The following NBEA variants were observed in gnomAD, a reference collection of about 807,000 sequenced individuals.
The protein encoded by NBEA is lysosomal-trafficking regulator 2.
A neutral mutation model predicts 343.4 loss-of-function variants in NBEA; 44 were observed. That is an observed-to-expected ratio of 0.13 (90% CI 0.10 to 0.16). The LOEUF (loss-of-function observed/expected upper bound fraction) is 0.16, where lower values mean the gene tolerates loss of function less well. Ranked by LOEUF, NBEA falls within the 10% of genes least tolerant of loss-of-function variation. The probability of loss-of-function intolerance (pLI) is 1.00; values close to 1 mark genes in which losing one functional copy is unlikely to be tolerated. For missense variants in NBEA, 2,555 were observed against 3,631.3 expected, an observed-to-expected ratio of 0.70 and a Z score of 7.62; for synonymous variants, 1,175 against 1,238.7, an observed-to-expected ratio of 0.95 and a Z score of 1.08.
intron 10 of NBEA, among the ~76,000 whole-genome samples, chr13:35,092,135 G>A (rs1024907273): frequency 2.0e-5 from 3 of 151,822 alleles, no homozygotes; most frequent in African/African-American, 7.3e-5. Flanking sequence ...ATTAATTTTT[G>A]GCAAAGGTGC....
chr13:35,081,079 A>G (rs2064368187), intron 10 of NBEA, among the ~76,000 whole-genome samples: 1 of 152,180 alleles, frequency 6.6e-6, no homozygotes, highest in Non-Finnish European at 1.5e-5. Flanking sequence ...TGAAATATGT[A>G]TACATAAATG....
chr13:35,272,483 A>G (rs2034242437), intron 34 of NBEA, among the ~76,000 whole-genome samples: 1 of 152,210 alleles, frequency 6.6e-6, no homozygotes, highest in Non-Finnish European at 1.5e-5. Context: ...TCATAATGAC[A>G]GGATCAAATT....
At chr13:35,640,377 C>A (rs1486080809) in intron 49 of NBEA, among the ~76,000 whole-genome samples, 2 of 152,164 alleles carry the variant, frequency 1.3e-5, no homozygotes, top group African/African-American at 4.8e-5. Flanking sequence ...TTAGAGGACA[C>A]CTTCTCTAAA....
At chr13:35,599,703 A>G (rs573233970) in intron 47 of NBEA, among the ~76,000 whole-genome samples, 5 of 152,214 alleles carry the variant, frequency 3.3e-5, no homozygotes, top group Non-Finnish European at 7.3e-5. Context: ...ACAAGGGGGA[A>G]ATAGACTCCA....
intron 1 of NBEA, among the ~76,000 whole-genome samples, chr13:35,022,133 A>G (rs547000747): frequency 1.3e-5 from 2 of 152,234 alleles, no homozygotes; most frequent in South Asian, 2.1e-4. Context: ...GGCCATTAAC[A>G]CTTCATTTTT....
intron 1 of NBEA, among the ~76,000 whole-genome samples, chr13:35,017,961 G>A (rs1593478549): frequency 6.6e-6 from 1 of 152,086 alleles, no homozygotes; most frequent in East Asian, 1.9e-4. Flanking sequence ...GGTTGTTTCT[G>A]TTGTTGTAAA....
At position 35,628,101 on chromosome 13, in the gene NBEA, T is replaced by C. The variant is rs913484890; in HGVS notation, c.7470T>C (p.Val2490=). ...TTCAGGCCCTAGAAAGTGAATTTGT[T>C]TCTTGCCAACTTCATCAGTGGATCG... ...INRMALESEF[V]SCQLHQWIDL... The change falls in exon 49 of 59, where the codon GTT becomes GTC. Residue 2490 remains valine, a synonymous_variant. Transcript: ENST00000379939. 6.2e-7 allele frequency: 1 copy of C among 1,612,466 alleles called. No homozygotes were observed. Among genetic ancestry groups the C allele is most frequent in the Non-Finnish European group, 8.5e-7 (1 of 1,179,194 alleles).
At chr13:35,171,901 TC>T in intron 26 of NBEA, among the ~76,000 whole-genome samples, 1 of 152,086 alleles carries the variant, frequency 6.6e-6, no homozygotes, top group Middle Eastern at 3.2e-3. Context: ...TGAACAAATG[TC>T]CCTAATAAAT....
chr13:35,640,336 T>C (rs577163504), intron 49 of NBEA, among the ~76,000 whole-genome samples: 2 of 152,232 alleles, frequency 1.3e-5, no homozygotes, highest in Non-Finnish European at 2.9e-5. Flanking sequence ...TGTCACATCA[T>C]AGCTAACACA....
chr13:35,244,281 A>G (rs555583530), intron 34 of NBEA, among the ~76,000 whole-genome samples: 3 of 151,894 alleles, frequency 2.0e-5, no homozygotes, highest in African/African-American at 7.2e-5. Context: ...AAAAAAATCA[A>G]TATTTTTTTA....
At chr13:35,338,776 A>G (rs1430362959) in intron 36 of NBEA, among the ~76,000 whole-genome samples, 1 of 152,110 alleles carries the variant, frequency 6.6e-6, no homozygotes, top group Non-Finnish European at 1.5e-5. Context: ...CGTCAGCAAT[A>G]TGTAAGAAAG....
chr13:35,143,171 A>G (rs1004799637), intron 18 of NBEA, among the ~76,000 whole-genome samples: 1 of 152,222 alleles, frequency 6.6e-6, no homozygotes, highest in East Asian at 1.9e-4. Context: ...TAAAATGTAT[A>G]GGATTTTCAA....
intron 10 of NBEA, among the ~76,000 whole-genome samples, chr13:35,082,693 T>C (rs1400729102): frequency 6.6e-6 from 1 of 152,228 alleles, no homozygotes; most frequent in East Asian, 1.9e-4. Context: ...TTTTCGTGTG[T>C]CTTTTGCCTG....
chr13:35,666,435 A>T (rs547897397), intron 56 of NBEA, among the ~76,000 whole-genome samples: 1 of 151,586 alleles, frequency 6.6e-6, no homozygotes, highest in African/African-American at 2.4e-5. Context: ...AAAGGAAAAT[A>T]AGTGACACAT....
chr13:35,192,641 A>G (rs997592618), intron 30 of NBEA, among the ~76,000 whole-genome samples: 12 of 152,006 alleles, frequency 7.9e-5, no homozygotes, highest in African/African-American at 2.9e-4. Context: ...TTTGTAATCT[A>G]GAGATCAACA....
intron 17 of NBEA, among the ~76,000 whole-genome samples, chr13:35,127,565 A>G (rs1248842720): frequency 6.6e-6 from 1 of 152,258 alleles, no homozygotes; most frequent in African/African-American, 2.4e-5. Context: ...GCAAGTGCAA[A>G]GAGTCAGAAT....
chr13:35,637,679 G>A (rs530534598), intron 49 of NBEA, among the ~76,000 whole-genome samples: 1 of 151,884 alleles, frequency 6.6e-6, no homozygotes, highest in South Asian at 2.1e-4. Flanking sequence ...AAAATTAGCC[G>A]GGCATGGTGG....
chr13:35,472,459 A>T lies in NBEA; in HGVS notation c.6508A>T (p.Thr2170Ser), dbSNP rs1017212772. The part of the protein sequence containing the change: ...LIAPVVVAKG[T>S]LSITTTEIYF... Reference sequence around the variant, plus strand: ...CGCTCCCGTGGTGGTGGCCAAGGGGACTCTCTCCATCACCACGACAGAAAT... The same window carrying T: ...CGCTCCCGTGGTGGTGGCCAAGGGGTCTCTCTCCATCACCACGACAGAAAT... The change falls in exon 41 of 59, where the codon ACT becomes TCT. Residue 2170 changes from threonine to serine, a missense_variant. Coordinates refer to ENST00000379939, the MANE Select transcript of NBEA (RefSeq NM_001385012.1). 33 of 1,613,618 alleles carry T rather than the reference A, an allele frequency of 2.0e-5. No homozygotes were observed. Among genetic ancestry groups the T allele is most frequent in the Non-Finnish European group, 2.8e-5 (33 of 1,179,856 alleles).
At chr13:35,272,422 C>T (rs1276895899) in intron 34 of NBEA, among the ~76,000 whole-genome samples, 1 of 152,130 alleles carries the variant, frequency 6.6e-6, no homozygotes, top group Non-Finnish European at 1.5e-5. Flanking sequence ...TAAAGACCCT[C>T]AACGCTATGA....
Sources: allele counts gnomAD v4.1 joint callset (sites outside exome capture counted in the v4.1 genomes callset), GRCh38; gene constraint gnomAD v4.1.1; transcripts MANE v1.5; gene names NCBI Gene and HGNC (gene_info 2026-07-23, HGNC 2026-07-21).